The following STX1B variants were observed in gnomAD, a reference collection of about 807,000 sequenced individuals.
STX1B encodes the protein syntaxin 1B.
STX1B carries 7 observed loss-of-function variants against 39.4 expected under a neutral mutation model. The ratio of observed to expected loss-of-function variants is 0.18; its 90% CI spans 0.10 to 0.33. The LOEUF (loss-of-function observed/expected upper bound fraction) is 0.33. Ranked by LOEUF, STX1B falls within the 10% of genes least tolerant of loss-of-function variation. The probability of loss-of-function intolerance (pLI) is 1.00; values close to 1 mark genes in which losing one functional copy is unlikely to be tolerated. For synonymous variants in STX1B, 136 were observed against 144.1 expected (o/e 0.94, Z 0.40); for missense variants, 198 against 383.2 (o/e 0.52, Z 4.04).
At chr16:31,004,310 T>C (rs2056645795) in intron 1 of STX1B, among the ~76,000 whole-genome samples, 1 of 152,216 alleles carries the variant, frequency 6.6e-6, no homozygotes, top group Non-Finnish European at 1.5e-5. Flanking sequence ...ATCCATTTCA[T>C]TCTTACAACA....
In STX1B at chr16:30,997,506, G is replaced by C; in HGVS notation, c.350C>G (p.Thr117Ser). 6.2e-7 allele frequency: 1 copy of C among 1,606,182 alleles called. No homozygotes were observed. Among genetic ancestry groups the C allele is most frequent in the Non-Finnish European group, 8.5e-7 (1 of 1,177,132 alleles). The change falls in exon 5 of 10, where the codon ACC becomes AGC. Residue 117 changes from threonine (T) to serine (S), a missense_variant. Coordinates refer to ENST00000215095, the MANE Select transcript of STX1B (RefSeq NM_052874.5). ...RSSADLRIRK[T>S]QHSTLSRKFV... ...CAATGGGCTGCCGCCTCCTACCTGG[G>C]TCTTGCGGATGCGCAGGTCCGCGGA...
chr16:30,991,583 T>C lies in STX1B; in HGVS notation c.*1238A>G, dbSNP rs1206864752. 2 of 152,558 alleles carry C rather than the reference T, an allele frequency of 1.3e-5. No homozygotes were observed. Among genetic ancestry groups the C allele is most frequent in the Non-Finnish European group, 2.9e-5 (2 of 68,176 alleles). 9.5% of individuals were successfully genotyped at this position (152,558 alleles called of 1,614,324 possible). Reference sequence around the variant, plus strand: ...GGTCAGGCAGGACAGAAACACATCATGTAGGCCAGGCGTGGTGGCTCAGGC... The same window carrying C: ...GGTCAGGCAGGACAGAAACACATCACGTAGGCCAGGCGTGGTGGCTCAGGC... On this transcript the variant is annotated 3_prime_UTR_variant, in exon 10 of 10. Coordinates refer to ENST00000215095, the MANE Select transcript of STX1B (RefSeq NM_052874.5).
intron 7 of STX1B, among the ~76,000 whole-genome samples, chr16:30,994,716 T>C (rs1044671863): frequency 2.0e-5 from 3 of 152,106 alleles, no homozygotes; most frequent in Admixed American, 2.0e-4. Context: ...TCTTACCACA[T>C]TGAGCCACTC....
intron 4 of STX1B, among the ~76,000 whole-genome samples, chr16:30,998,103 C>T (rs1034156251): frequency 1.3e-5 from 2 of 152,228 alleles, no homozygotes; most frequent in Non-Finnish European, 2.9e-5. Context: ...AGGGAGAAAG[C>T]AGCCCTCTCC....
At position 31,001,611 on chromosome 16, in the gene STX1B, C is replaced by T. The variant is rs1366916052; in HGVS notation, c.31-8G>A. On this transcript the variant is annotated splice_polypyrimidine_tract_variant and splice_region_variant and intron_variant, in intron 1 of 9. Coordinates refer to ENST00000215095, the MANE Select transcript of STX1B (RefSeq NM_052874.5). The surrounding 1 kb of genome is among the most constrained non-coding windows in gnomAD (Gnocchi z 5.5). ...ATCATCACTGTCTTTCGCCTGGGGA[C>T]AAGGAAGGCTGAGTCCATGAGCAGG... 2 of 1,611,908 alleles carry T rather than the reference C, an allele frequency of 1.2e-6. No individual in the cohort carries two copies. Among genetic ancestry groups the T allele is most frequent in the Admixed American group, 3.3e-5 (2 of 59,882 alleles).
rs2056598375 is a variant in STX1B, at chr16:30,997,143, T to TCC, written c.355-85_355-84insGG. On this transcript the variant is annotated intron_variant, in intron 5 of 9. Coordinates refer to ENST00000215095, the MANE Select transcript of STX1B (RefSeq NM_052874.5). ...GTCAGGGAGCAGAGACCGAGGCAGG[T>TCC]GAGGAGGCAGTGCATGGGCGGAATA... is the stretch of plus-strand genomic sequence containing the variant. 10 of 919,206 alleles carry TCC rather than the reference T, an allele frequency of 1.1e-5. No homozygotes were observed. The South Asian group carries it at 1.4e-4, about 13-fold the overall frequency. The allele number at this position is 919,206 out of a possible 1,614,324, so 56.9% of individuals were successfully genotyped here.
At chr16:30,993,613 C>T (rs2056575334) in intron 7 of STX1B, 129 bp from the exon 8 acceptor site, 3 of 1,040,054 alleles carry the variant, frequency 2.9e-6, no homozygotes, top group Non-Finnish European at 4.2e-6. Context: ...TTCACCTGCT[C>T]TTGGCCTCAG....
At chr16:31,002,051 C>T (rs767868218) in intron 1 of STX1B, among the ~76,000 whole-genome samples, 1 of 152,116 alleles carries the variant, frequency 6.6e-6, no homozygotes, top group Non-Finnish European at 1.5e-5. Flanking sequence ...CCCCACCTGA[C>T]CAGACATGTC....
chr16:30,998,412 C>T (rs369068956), intron 4 of STX1B, among the ~76,000 whole-genome samples: 10 of 152,352 alleles, frequency 6.6e-5, no homozygotes, highest in African/African-American at 2.4e-4. Context: ...AAGGCTCCCC[C>T]GATTGAGTGA....
intron 7 of STX1B, 150 bp from the exon 8 acceptor site, chr16:30,993,634 T>C: frequency 1.1e-6 from 1 of 885,984 alleles, no homozygotes; most frequent in South Asian, 1.7e-5. Context: ...TTTCCCCACC[T>C]AGAAAATGTG....
intron 4 of STX1B, among the ~76,000 whole-genome samples, chr16:31,000,090 C>T (rs1274495816): frequency 6.6e-6 from 1 of 151,374 alleles, no homozygotes; most frequent in Non-Finnish European, 1.5e-5. Flanking sequence ...CTCTGCCTCC[C>T]GGGTTCAAGT....
intron 6 of STX1B, 26 bp from the exon 7 acceptor site, chr16:30,996,782 C>T: frequency 6.2e-7 from 1 of 1,612,820 alleles, no homozygotes; most frequent in Non-Finnish European, 8.5e-7. Context: ...ACTCCCTGCT[C>T]GGGGGCTGGG....
At chr16:30,996,569 A>T in intron 7 of STX1B, 114 bp downstream of exon 7, 1 of 952,896 alleles carries the variant, frequency 1.0e-6, no homozygotes, top group Non-Finnish European at 1.6e-6. Context: ...TTCCCGGCTC[A>T]GGCTTCCCGC....
chr16:31,002,278 G>A (rs1209993399), intron 1 of STX1B, among the ~76,000 whole-genome samples: 2 of 151,882 alleles, frequency 1.3e-5, no homozygotes, highest in East Asian at 1.9e-4. Flanking sequence ...ACTCTTGCTG[G>A]CTTGGATTTC....
chr16:31,001,577 C>T lies in STX1B; in HGVS notation c.57G>A (p.Glu19=). 1 of 1,613,540 alleles carries T rather than the reference C, an allele frequency of 6.2e-7. No homozygotes were observed. The highest frequency in any genetic ancestry group is 8.5e-7 in the Non-Finnish European group (1 of 1,179,908). ...RSAKDSDDEE[E]VVHVDRDHFM... ...AGTGGTCCCGATCCACGTGGACCAC[C>T]TCCTCTTCATCATCACTGTCTTTCG... Residue 19 remains glutamate, a synonymous_variant, in exon 2 of 10, where the codon GAG becomes GAA. Transcript: ENST00000215095. The surrounding 1 kb of genome is among the most constrained non-coding windows in gnomAD (Gnocchi z 5.5).
At position 30,989,917 on chromosome 16, in the gene STX1B, G is replaced by C. The variant is rs1465071991; in HGVS notation, c.*2904C>G. The C allele has an allele frequency of 6.6e-6, 1 of 152,348 alleles. No individual in the cohort carries two copies. The highest frequency in any genetic ancestry group is 1.5e-5 in the Non-Finnish European group (1 of 68,116). The allele number at this position is 152,348 out of a possible 1,614,324, so 9.4% of individuals were successfully genotyped here. A position where few individuals can be genotyped will look rare whatever the true frequency, so the allele number is the denominator to read the frequency against. ...ACGTGGGGCACATGTGGGCTCAATG[G>C]TTGCAGGCGCCTGGGCAGGTAGCAC... is the stretch of plus-strand genomic sequence containing the variant. On this transcript the variant is annotated 3_prime_UTR_variant, in exon 10 of 10. Transcript: ENST00000215095.
chr16:30,996,847 C>T, intron 6 of STX1B, 91 bp from the exon 7 acceptor site: 1 of 1,571,176 alleles, frequency 6.4e-7, no homozygotes, highest in Non-Finnish European at 8.7e-7. Flanking sequence ...GCCCACCCTC[C>T]CACGCCGCCT....
rs773274748 is a variant in STX1B, at chr16:30,993,501, G to C, written c.538-17C>G. ...CATTTTGATCTAGGGTGACGAGGGA[G>C]AGAGCTACAATCACCCTTCTCCGCC... On this transcript the variant is annotated splice_polypyrimidine_tract_variant and intron_variant, in intron 7 of 9. Transcript: ENST00000215095. 62 of 1,612,592 alleles carry C rather than the reference G, an allele frequency of 3.8e-5. No homozygotes were observed. In the East Asian group the frequency reaches 1.4e-3, roughly 35 times the overall value.
intron 1 of STX1B, among the ~76,000 whole-genome samples, chr16:31,002,324 G>A (rs926320211): frequency 6.6e-6 from 1 of 151,940 alleles, no homozygotes; most frequent in Non-Finnish European, 1.5e-5. Context: ...CCCTCCACCC[G>A]CAGGGCTCAG....
Sources: allele counts gnomAD v4.1 joint callset (sites outside exome capture counted in the v4.1 genomes callset), GRCh38; gene constraint gnomAD v4.1.1; non-coding constraint Gnocchi (gnomAD v3.1); transcripts MANE v1.5; gene names NCBI Gene and HGNC (gene_info 2026-07-23, HGNC 2026-07-21).